The following LMNTD1 variants were observed in gnomAD, a reference collection of about 807,000 sequenced individuals.
The protein encoded by LMNTD1 is lamin tail domain-containing protein 1.
Under a neutral mutation model 50.9 loss-of-function variants are expected in LMNTD1, and 35 were observed. The observed-to-expected ratio is 0.69, with a 90% CI of 0.53 to 0.91. The LOEUF (loss-of-function observed/expected upper bound fraction) is 0.91, where lower values mean the gene tolerates loss of function less well. Among genes scored for constraint, LMNTD1 ranks in the 40% least tolerant of loss-of-function variants. LMNTD1 has a pLI of 0.00. For synonymous variants in LMNTD1, 153 were observed against 161.9 expected, an observed-to-expected ratio of 0.94 and a Z score of 0.42; for missense variants, 470 against 475.5, an observed-to-expected ratio of 0.99 and a Z score of 0.11.
intron 4 of LMNTD1, among the ~76,000 whole-genome samples, chr12:25,527,663 TATATATATATATATATATACACACAC>T (rs796806337): frequency 0.021 from 588 of 27,462 alleles, 5 homozygotes; most frequent in East Asian, 0.048. Context: ...TATATATATA[TATATATATATATATATATACACACAC>T]ACACACACAC....
intron 8 of LMNTD1, among the ~76,000 whole-genome samples, chr12:25,512,112 A>G (rs1940345596): frequency 6.6e-6 from 1 of 152,262 alleles, no homozygotes. Context: ...TTAAAATGAA[A>G]TAAAAGAGTA....
chr12:25,516,542 T>G (rs1940790337), intron 8 of LMNTD1, among the ~76,000 whole-genome samples: 1 of 152,178 alleles, frequency 6.6e-6, no homozygotes, highest in South Asian at 2.1e-4. Context: ...TACTAAAGAT[T>G]ATAAAGGGCT....
At chr12:25,610,092 C>T (rs891789247) in intron 1 of LMNTD1, among the ~76,000 whole-genome samples, 3 of 152,182 alleles carry the variant, frequency 2.0e-5, no homozygotes, top group African/African-American at 7.2e-5. Flanking sequence ...CCTTGCAGTT[C>T]TATCTTGGAC....
chr12:25,532,087 C>A (rs7963821), intron 4 of LMNTD1, among the ~76,000 whole-genome samples: 4,719 of 152,124 alleles, frequency 0.031, 169 homozygotes, highest in African/African-American at 0.092. Flanking sequence ...ATGTCTGGAC[C>A]TTATCCACCT....
chr12:25,503,956 T>C (rs1185764341), intron 8 of LMNTD1, among the ~76,000 whole-genome samples, 156 bp from the exon 9 acceptor site: 2 of 152,146 alleles, frequency 1.3e-5, no homozygotes, highest in Non-Finnish European at 2.9e-5. Context: ...AAGAAGAAAT[T>C]TGTGGCTTCA....
intron 4 of LMNTD1, among the ~76,000 whole-genome samples, chr12:25,544,895 A>G (rs1352920333): frequency 1.3e-5 from 2 of 151,774 alleles, no homozygotes; most frequent in African/African-American, 4.8e-5. Flanking sequence ...TTTGACTGTT[A>G]GTTTTCTCAA....
At chr12:25,563,533 T>C (rs1227005580) in intron 1 of LMNTD1, among the ~76,000 whole-genome samples, 1 of 152,204 alleles carries the variant, frequency 6.6e-6, no homozygotes, top group East Asian at 1.9e-4. Context: ...CACCCGGCTG[T>C]ATGAGGTGTC....
At chr12:25,571,940 G>A (rs993019736) in intron 1 of LMNTD1, among the ~76,000 whole-genome samples, 9 of 152,164 alleles carry the variant, frequency 5.9e-5, no homozygotes, top group African/African-American at 2.2e-4. Context: ...TCAAAGTGCT[G>A]GGATGACAGG....
Position 25,606,049 on chromosome 12 carries a change from A to C in LMNTD1, c.58+42445T>G, listed in dbSNP as rs1946093101. The stretch of plus-strand genomic sequence containing the variant: ...AGTTCTCCTTCAAGAGGTCCTTCAC[A>C]TCCCTTGTAAGTTGGATTCCTAGGT... On this transcript the variant is annotated intron_variant, in intron 1 of 7. Coordinates refer to the LMNTD1 transcript ENST00000445693. Among the ~76,000 whole-genome samples, 3 of 152,158 alleles carry C rather than the reference A, an allele frequency of 2.0e-5. No individual in the cohort carries two copies. The South Asian group carries it at 6.2e-4, about 31-fold the overall frequency.
intron 1 of LMNTD1, among the ~76,000 whole-genome samples, chr12:25,589,762 C>T (rs945160829): frequency 2.0e-5 from 3 of 152,132 alleles, no homozygotes; most frequent in Admixed American, 2.0e-4. Flanking sequence ...TATAAAAATG[C>T]TTTCTTGTCT....
At chr12:25,600,409 T>C (rs998808894) in intron 1 of LMNTD1, among the ~76,000 whole-genome samples, 2 of 151,780 alleles carry the variant, frequency 1.3e-5, no homozygotes, top group Non-Finnish European at 2.9e-5. Flanking sequence ...TTGAGTAATA[T>C]CCCAGAAGCA....
chr12:25,527,669 TATATATATATATACACACACAC>T (rs1344696627), intron 4 of LMNTD1, among the ~76,000 whole-genome samples: 555 of 22,642 alleles, frequency 0.025, 9 homozygotes, highest in African/African-American at 0.049. Context: ...TATATATATA[TATATATATATATACACACACAC>T]ACACACACAC....
At chr12:25,603,719 A>C (rs1184731898) in intron 1 of LMNTD1, among the ~76,000 whole-genome samples, 1 of 152,092 alleles carries the variant, frequency 6.6e-6, no homozygotes, top group African/African-American at 2.4e-5. Context: ...ATATACACAA[A>C]TAGCATAGGG....
At chr12:25,519,801 C>T (rs1203495926) in intron 7 of LMNTD1, 57 bp downstream of exon 7, 18 of 1,123,484 alleles carry the variant, frequency 1.6e-5, no homozygotes, top group Non-Finnish European at 2.4e-5. Flanking sequence ...TTCCCACATG[C>T]TTAGTTACTA....
intron 7 of LMNTD1, 145 bp from the exon 8 acceptor site, chr12:25,519,112 C>T (rs1941038677): frequency 5.7e-6 from 4 of 700,296 alleles, no homozygotes; most frequent in Non-Finnish European, 9.6e-6. Context: ...TTTATTATAA[C>T]TTCAGAAGCA....
At chr12:25,575,583 T>C (rs1944972885) in intron 1 of LMNTD1, among the ~76,000 whole-genome samples, 1 of 152,166 alleles carries the variant, frequency 6.6e-6, no homozygotes, top group Non-Finnish European at 1.5e-5. Flanking sequence ...AATAGCTCAA[T>C]GGGGAAGATA....
intron 1 of LMNTD1, among the ~76,000 whole-genome samples, chr12:25,639,511 A>T (rs1320875105): frequency 6.6e-6 from 1 of 152,228 alleles, no homozygotes; most frequent in African/African-American, 2.4e-5. Context: ...AGTTGAATAG[A>T]CATTTTTTCA....
rs187402541 is a variant in LMNTD1, at chr12:25,628,896, G to A, written c.58+19598C>T. On this transcript the variant is annotated intron_variant, in intron 1 of 7. Coordinates refer to the LMNTD1 transcript ENST00000445693. Reference sequence around the variant, plus strand: ...AACCTGTATTGTTTTAAGCCATCAAGTTTTTGGTAATTTGTTAAAGCAGCC... The same window carrying A: ...AACCTGTATTGTTTTAAGCCATCAAATTTTTGGTAATTTGTTAAAGCAGCC... Among the ~76,000 whole-genome samples, 584 of 152,236 alleles carry A rather than the reference G, an allele frequency of 3.8e-3. 8 individuals are homozygous for A. Among genetic ancestry groups the A allele is most frequent in the African/African-American group, 0.013 (553 of 41,530 alleles).
chr12:25,641,855 TC>T (rs1051014608), intron 1 of LMNTD1, among the ~76,000 whole-genome samples: 9 of 151,820 alleles, frequency 5.9e-5, no homozygotes, highest in Admixed American at 3.3e-4. Flanking sequence ...TAATTTTTTT[TC>T]ACTCTTGAAT....
Sources: allele counts gnomAD v4.1 joint callset (sites outside exome capture counted in the v4.1 genomes callset), GRCh38; gene constraint gnomAD v4.1.1; transcripts MANE v1.5; gene names NCBI Gene and HGNC (gene_info 2026-07-23, HGNC 2026-07-21).